The following CLIP4 variants were observed in gnomAD, a reference collection of about 807,000 sequenced individuals.
CLIP4 encodes the protein CAP-Gly domain-containing linker protein 4.
A neutral mutation model predicts 73.1 loss-of-function variants in CLIP4; 47 were observed. That is an observed-to-expected ratio of 0.64 (90% CI 0.51 to 0.82). The LOEUF (loss-of-function observed/expected upper bound fraction) is 0.82, where lower values mean the gene tolerates loss of function less well. Among genes scored for constraint, CLIP4 ranks in the 40% least tolerant of loss-of-function variants. CLIP4 has a pLI of 0.00. For synonymous variants in CLIP4, 306 were observed against 295.4 expected, an observed-to-expected ratio of 1.04 and a Z score of -0.37; for missense variants, 874 against 852.9, an observed-to-expected ratio of 1.02 and a Z score of -0.31.
At chr2:29,114,773 T>C (rs1023569294), upstream of CLIP4, 4 of 152,338 alleles carry the variant, frequency 2.6e-5, no homozygotes, top group African/African-American at 9.6e-5. Flanking sequence ...GCAGCCGCTG[T>C]AGGCCTCAGA....
At chr2:29,132,941 A>T (rs1448458593) in intron 4 of CLIP4, among the ~76,000 whole-genome samples, 1 of 152,186 alleles carries the variant, frequency 6.6e-6, no homozygotes, top group Non-Finnish European at 1.5e-5. Context: ...TAATCCCAAC[A>T]CTTTGGGAGG....
intron 13 of CLIP4, among the ~76,000 whole-genome samples, chr2:29,166,964 T>C (rs902168487): frequency 6.6e-6 from 1 of 152,146 alleles, no homozygotes; most frequent in African/African-American, 2.4e-5. Context: ...TATCAAAAAA[T>C]GCAGGAAAAT....
Position 29,163,921 on chromosome 2 carries a change from A to G in CLIP4, c.1625A>G (p.Tyr542Cys), listed in dbSNP as rs769810816. 28 of 1,613,336 alleles carry G rather than the reference A, an allele frequency of 1.7e-5. No individual in the cohort carries two copies. Among genetic ancestry groups the G allele is most frequent in the Non-Finnish European group, 5.9e-6 (7 of 1,179,544 alleles). The change falls in exon 13 of 16, where the codon TAT (tyrosine) becomes TGT (cysteine). Residue 542 changes from tyrosine (Y) to cysteine (C), a missense_variant. Tyr to Cys is a radical substitution (Grantham distance 194, BLOSUM62 -2). Coordinates refer to ENST00000320081, the MANE Select transcript of CLIP4 (RefSeq NM_024692.6). ...CAGTATTTTAGCTGTTCTCCAAGAT[A>G]TGGAATATTTGCTCCCCCATCCAGG... ...GVQYFSCSPR[Y>C]GIFAPPSRVQ...
At chr2:29,179,724 TG>T (rs1259183577) in intron 15 of CLIP4, among the ~76,000 whole-genome samples, 1 of 152,216 alleles carries the variant, frequency 6.6e-6, no homozygotes, top group Admixed American at 6.5e-5. Context: ...AACATCCATT[TG>T]GGGAGAATTA....
chr2:29,155,784 C>A (rs1239850763), intron 9 of CLIP4, among the ~76,000 whole-genome samples: 1 of 152,172 alleles, frequency 6.6e-6, no homozygotes, highest in Non-Finnish European at 1.5e-5. Flanking sequence ...GCTGTGGTTT[C>A]GTTGCAGCCC....
At chr2:29,181,534 G>A in intron 15 of CLIP4, 38 bp from the exon 16 acceptor site, 1 of 1,510,078 alleles carries the variant, frequency 6.6e-7, no homozygotes. Context: ...CGTGGCTTCA[G>A]CACTAAATAA....
At chr2:29,103,159 C>T (rs1668100652) in intron 1 of CLIP4, among the ~76,000 whole-genome samples, 1 of 152,072 alleles carries the variant, frequency 6.6e-6, no homozygotes, top group African/African-American at 2.4e-5. Flanking sequence ...TACAGGGTTG[C>T]CACTTTGAGC....
upstream of CLIP4, chr2:29,115,290 C>G (rs1281579998): frequency 1.3e-5 from 2 of 152,196 alleles, no homozygotes; most frequent in African/African-American, 4.8e-5. This position sits in a 1 kb window ranked among gnomAD's most constrained non-coding sequence, Gnocchi z 5.1. Context: ...GGAGGTAACA[C>G]TGCGACACCC....
intron 5 of CLIP4, 71 bp downstream of exon 5, chr2:29,133,887 C>T: frequency 2.2e-5 from 29 of 1,326,752 alleles, no homozygotes; most frequent in Non-Finnish European, 2.9e-5. Context: ...AATTATAATT[C>T]AAGGATATTT....
chr2:29,133,626 A>C (rs1425172833), intron 4 of CLIP4, 29 bp from the exon 5 acceptor site: 11 of 1,582,290 alleles, frequency 7.0e-6, no homozygotes, highest in Non-Finnish European at 8.6e-6. Flanking sequence ...TTTGTACTAA[A>C]GGAAAGTAAT....
At chr2:29,109,755 G>A (rs1014242240) in intron 1 of CLIP4, among the ~76,000 whole-genome samples, 1 of 152,036 alleles carries the variant, frequency 6.6e-6, no homozygotes, top group Non-Finnish European at 1.5e-5. Context: ...GCTAAGAAAA[G>A]GGAAAATAAA....
chr2:29,112,716 T>G (rs145515365), upstream of CLIP4, among the ~76,000 whole-genome samples: 1,393 of 152,386 alleles, frequency 9.1e-3, 25 homozygotes, highest in African/African-American at 0.032. Context: ...TGCCCAGTGC[T>G]CTGATCTTTT....
chr2:29,135,543 TGC>T lies in CLIP4; in HGVS notation c.530-4_530-3del. 1 of 1,593,572 alleles carries T rather than the reference TGC, an allele frequency of 6.3e-7. No homozygotes were observed. Among genetic ancestry groups the T allele is most frequent in the South Asian group, 1.1e-5 (1 of 87,744 alleles). ...AGTTAATATACTTATGATGTTTAAT[TGC>T]AGATGTGGATGCCACTTGCAGTGAT... is the stretch of plus-strand genomic sequence containing the variant. On this transcript the variant is annotated splice_polypyrimidine_tract_variant and splice_region_variant and intron_variant, in intron 5 of 15. Coordinates refer to ENST00000320081, the MANE Select transcript of CLIP4 (RefSeq NM_024692.6).
At chr2:29,150,252 A>G (rs887799128) in intron 8 of CLIP4, among the ~76,000 whole-genome samples, 3 of 152,184 alleles carry the variant, frequency 2.0e-5, no homozygotes, top group African/African-American at 7.2e-5. Context: ...GGGGTTACTC[A>G]GAAGAGAAAC....
intron 9 of CLIP4, among the ~76,000 whole-genome samples, chr2:29,155,393 C>T (rs1049233770): frequency 2.1e-5 from 2 of 94,746 alleles, no homozygotes; most frequent in Non-Finnish European, 4.5e-5. Context: ...CCAAATGATA[C>T]ACCCAAGTGT....
At chr2:29,114,777 C>T (rs2148446280), upstream of CLIP4, 1 of 152,434 alleles carries the variant, frequency 6.6e-6, no homozygotes, top group South Asian at 2.1e-4. Flanking sequence ...CCGCTGTAGG[C>T]CTCAGAGACA....
At chr2:29,118,411 G>A (rs1664017355) in intron 1 of CLIP4, 1 of 152,214 alleles carries the variant, frequency 6.6e-6, no homozygotes, top group African/African-American at 2.4e-5. Flanking sequence ...CTAACTTGGA[G>A]TGATGAGTAG....
intron 1 of CLIP4, among the ~76,000 whole-genome samples, chr2:29,117,330 T>A (rs964494471): frequency 1.0e-4 from 15 of 150,142 alleles, no homozygotes; most frequent in African/African-American, 3.7e-4. Flanking sequence ...TCTCTCTCTC[T>A]TTTTTTTGTT....
intron 1 of CLIP4, among the ~76,000 whole-genome samples, chr2:29,101,293 C>CT (rs796975167): frequency 2.7e-5 from 4 of 147,268 alleles, no homozygotes; most frequent in African/African-American, 1.0e-4. Context: ...TTTTCCCCCC[C>CT]CCAAAACAAA....
Sources: allele counts gnomAD v4.1 joint callset (sites outside exome capture counted in the v4.1 genomes callset), GRCh38; gene constraint gnomAD v4.1.1; non-coding constraint Gnocchi (gnomAD v3.1); transcripts MANE v1.5; gene names NCBI Gene and HGNC (gene_info 2026-07-23, HGNC 2026-07-21).